PSD3: variants seen among roughly 807,000 people sequenced by gnomAD.
The protein encoded by PSD3 is PH and SEC7 domain-containing protein 3.
Under a neutral mutation model 105.5 loss-of-function variants are expected in PSD3, and 49 were observed. That is an observed-to-expected ratio of 0.46 (90% confidence interval 0.37 to 0.59). PSD3 has a LOEUF of 0.59. Among genes scored for constraint, PSD3 ranks in the 20% least tolerant of loss-of-function variants. PSD3 has a pLI of 0.00. For missense variants in PSD3, 1,561 were observed against 1,263.8 expected (o/e 1.24, Z -3.57); for synonymous variants, 557 against 457.8 (o/e 1.22, Z -2.77).
intron 1 of PSD3, among the ~76,000 whole-genome samples, chr8:18,982,944 C>G (rs1467663962): frequency 6.6e-6 from 1 of 152,206 alleles, no homozygotes; most frequent in East Asian, 1.9e-4. Context: ...AGCTTTGAAG[C>G]CAGGCATTGA....
At chr8:18,802,290 A>C (rs1810765318) in intron 6 of PSD3, 1 of 395,100 alleles carries the variant, frequency 2.5e-6, no homozygotes, top group South Asian at 1.9e-5. Context: ...CGGAGTCACT[A>C]AGAGCACTGT....
At chr8:18,632,191 C>T (rs184220457) in intron 11 of PSD3, among the ~76,000 whole-genome samples, 76 of 152,152 alleles carry the variant, frequency 5.0e-4, no homozygotes, top group Non-Finnish European at 7.9e-4. Flanking sequence ...CATCCTTTGT[C>T]TCTGGGACCT....
At chr8:18,886,886 C>A (rs1482610965) in intron 2 of PSD3, 1 of 152,186 alleles carries the variant, frequency 6.6e-6, no homozygotes, top group Non-Finnish European at 1.5e-5. Context: ...GCCTGTTCTC[C>A]CGTTTGCTCT....
At position 18,936,079 on chromosome 8, in the gene PSD3, A is replaced by G. The variant is rs1196228802; in HGVS notation, c.85T>C (p.Tyr29His). 6.2e-7 allele frequency: 1 copy of G among 1,613,558 alleles called. No individual in the cohort carries two copies. The highest frequency in any genetic ancestry group is 8.5e-7 in the Non-Finnish European group (1 of 1,179,878). ...AHSQSVAKAKYEFLFGRSEGK... is the reference protein window; with the variant it reads ...AHSQSVAKAKHEFLFGRSEGK... ...TCAGATCTGCCAAATAAAAATTCAT[A>G]TTTGGCCTTGGCAACACTCTGGGAA... Residue 29 changes from tyrosine to histidine, a missense_variant, in exon 2 of 16, where the codon TAT becomes CAT. Tyr to His is a moderately conservative substitution (Grantham distance 83). Transcript: ENST00000327040.
intron 1 of PSD3, among the ~76,000 whole-genome samples, chr8:18,957,029 T>C (rs571641564): frequency 2.2e-4 from 34 of 152,292 alleles, no homozygotes; most frequent in Non-Finnish European, 3.4e-4. Flanking sequence ...CAGTAAGCAG[T>C]GACTGCCAAT....
intron 4 of PSD3, among the ~76,000 whole-genome samples, chr8:18,843,864 G>C (rs1814852043): frequency 6.6e-6 from 1 of 151,454 alleles, no homozygotes; most frequent in South Asian, 2.1e-4. Context: ...AATTGATCCT[G>C]ACAATATCTC....
At chr8:18,647,192 C>T (rs9325836) in intron 10 of PSD3, among the ~76,000 whole-genome samples, 61,159 of 151,998 alleles carry the variant, frequency 0.4, 12,899 homozygotes, top group Middle Eastern at 0.52. Flanking sequence ...CCAGTCATGA[C>T]TTAAATTTGC....
At chr8:18,801,473 A>G (rs975872526) in intron 6 of PSD3, 91 bp from the exon 7 acceptor site, 9 of 689,500 alleles carry the variant, frequency 1.3e-5, no homozygotes, top group African/African-American at 1.8e-5. Context: ...TAAACCTAAG[A>G]TATTAATTAT....
At chr8:18,565,965 C>G (rs935223629) in intron 14 of PSD3, among the ~76,000 whole-genome samples, 15 of 151,966 alleles carry the variant, frequency 9.9e-5, no homozygotes, top group Non-Finnish European at 1.6e-4. Context: ...TTATCCACAC[C>G]AAAATGTTAA....
At chr8:18,987,727 G>A (rs752210322) in intron 1 of PSD3, among the ~76,000 whole-genome samples, 27 of 152,098 alleles carry the variant, frequency 1.8e-4, no homozygotes, top group Non-Finnish European at 3.1e-4. Flanking sequence ...GCTGAGGTGA[G>A]AGAATCACCT....
intron 2 of PSD3, among the ~76,000 whole-genome samples, chr8:18,925,389 GTATATATATA>G: frequency 6.8e-6 from 1 of 147,764 alleles, no homozygotes; most frequent in African/African-American, 2.5e-5. Flanking sequence ...ATCTCTAAAA[GTATATATATA>G]TATATATACA....
chr8:18,653,696 G>A (rs954227991), intron 10 of PSD3, among the ~76,000 whole-genome samples: 1 of 151,484 alleles, frequency 6.6e-6, no homozygotes, highest in Non-Finnish European at 1.5e-5. Flanking sequence ...TGGGTAACAC[G>A]CAAGATATAG....
chr8:18,753,620 AACATTG>A (rs1213182134), intron 9 of PSD3, among the ~76,000 whole-genome samples: 1 of 152,190 alleles, frequency 6.6e-6, no homozygotes, highest in African/African-American at 2.4e-5. Context: ...GTAAAAATCC[AACATTG>A]ACAGGGAACA....
At chr8:18,627,661 G>C (rs1806589278) in intron 11 of PSD3, among the ~76,000 whole-genome samples, 1 of 151,964 alleles carries the variant, frequency 6.6e-6, no homozygotes, top group Admixed American at 6.6e-5. Flanking sequence ...AGCGTCTAAA[G>C]AATTCAGTTA....
chr8:18,545,695 C>T (rs1167270203), intron 15 of PSD3, among the ~76,000 whole-genome samples: 1 of 152,126 alleles, frequency 6.6e-6, no homozygotes, highest in Non-Finnish European at 1.5e-5. Context: ...ATATAGGGCA[C>T]GTGGTTAATC....
Position 18,835,961 on chromosome 8 carries a change from A to G in PSD3, c.1635-31063T>C, listed in dbSNP as rs77322979. On this transcript the variant is annotated intron_variant, in intron 4 of 15. Transcript: ENST00000327040. ...TCTGAGATAAGTCAACAAATTGAGA[A>G]AAGACTAAAGCAGGGTGTTAGTTGC... Among the ~76,000 whole-genome samples, 395 of 152,324 alleles carry G rather than the reference A, an allele frequency of 2.6e-3. 3 individuals carry two copies. The highest frequency in any genetic ancestry group is 8.8e-3 in the African/African-American group (367 of 41,570).
rs1823399665 is a variant in PSD3, at chr8:18,953,938, T to C, written c.22-17796A>G. Reference sequence around the variant, plus strand: ...CATATATACATATATATGTATACACTCCTCACACACATACATAGTACAAGT... The same window carrying C: ...CATATATACATATATATGTATACACCCCTCACACACATACATAGTACAAGT... On this transcript the variant is annotated intron_variant, in intron 1 of 15. Coordinates refer to ENST00000327040, the MANE Select transcript of PSD3 (RefSeq NM_015310.4). Among the ~76,000 whole-genome samples, 3 of 151,954 alleles carry C rather than the reference T, an allele frequency of 2.0e-5. No individual in the cohort carries two copies. The South Asian group carries it at 6.2e-4, about 32-fold the overall frequency.
At chr8:18,643,082 G>A (rs1009603107) in intron 10 of PSD3, among the ~76,000 whole-genome samples, 5 of 152,150 alleles carry the variant, frequency 3.3e-5, no homozygotes, top group East Asian at 1.9e-4. Context: ...AGTTTATCAC[G>A]AATGGTGACT....
At chr8:18,793,067 C>T (rs777132451) in intron 8 of PSD3, among the ~76,000 whole-genome samples, 3 of 152,040 alleles carry the variant, frequency 2.0e-5, no homozygotes, top group African/African-American at 7.2e-5. Context: ...GAGCAAACTA[C>T]CGCAAGGACA....
Sources: allele counts gnomAD v4.1 joint callset (sites outside exome capture counted in the v4.1 genomes callset), GRCh38; gene constraint gnomAD v4.1.1; transcripts MANE v1.5; gene names NCBI Gene and HGNC (gene_info 2026-07-23, HGNC 2026-07-21).